Variants in KAT7 observed in about 807,000 individuals in gnomAD.
KAT7 encodes histone acetyltransferase KAT7.
KAT7 carries 10 observed loss-of-function variants against 82.1 expected under a neutral mutation model. The observed-to-expected ratio is 0.12, with a 90% CI of 0.08 to 0.21. KAT7 has a LOEUF of 0.21. KAT7 is among the 10% of genes least tolerant of loss of function. The pLI, the probability that KAT7 is intolerant of heterozygous loss-of-function variation, is 1.00. For missense variants in KAT7, 378 were observed against 760.9 expected (o/e 0.50, Z 5.92); for synonymous variants, 250 against 262.5 (o/e 0.95, Z 0.46).
intron 8 of KAT7, among the ~76,000 whole-genome samples, chr17:49,817,546 C>T (rs2074249748): frequency 6.6e-6 from 1 of 152,092 alleles, no homozygotes; most frequent in South Asian, 2.1e-4. Context: ...GATCTCGGTT[C>T]ACCGCAGCCT....
At chr17:49,822,890 T>C (rs565199630) in intron 11 of KAT7, among the ~76,000 whole-genome samples, 1 of 152,300 alleles carries the variant, frequency 6.6e-6, no homozygotes, top group East Asian at 1.9e-4. Context: ...TTTTCAAAAA[T>C]TGCGTTTAAA....
chr17:49,834,740 AAC>A lies in KAT7; in HGVS notation c.*7242_*7243del, dbSNP rs1259109843. ...GTTCTGTGGTCAAATAAATTTGGAA[AAC>A]ACAGAGTGTTTCCAAAGTTAGTATC... On this transcript the variant is annotated 3_prime_UTR_variant, in exon 15 of 15. Coordinates refer to ENST00000259021, the MANE Select transcript of KAT7 (RefSeq NM_007067.5). 6.6e-6 allele frequency: 1 copy of A among 152,222 alleles called. No individual in the cohort carries two copies. Among genetic ancestry groups the A allele is most frequent in the Non-Finnish European group, 1.5e-5 (1 of 68,052 alleles). 9.4% of individuals were successfully genotyped at this position (152,222 alleles called of 1,614,324 possible).
chr17:49,799,035 G>A (rs975834081), intron 4 of KAT7, among the ~76,000 whole-genome samples: 6 of 152,172 alleles, frequency 3.9e-5, no homozygotes, highest in Admixed American at 6.5e-5. Context: ...TAGTAGCTTA[G>A]GTTCCTTGCT....
intron 3 of KAT7, 121 bp downstream of exon 3, chr17:49,797,047 C>T (rs1208458890): frequency 1.4e-6 from 1 of 735,552 alleles, no homozygotes; most frequent in Non-Finnish European, 2.2e-6. Flanking sequence ...ATGCTGTTTG[C>T]TTGCTTCCTT....
Position 49,791,831 on chromosome 17 carries a change from G to A in KAT7, c.16-55G>A, listed in dbSNP as rs77004615. On this transcript the variant is annotated intron_variant, in intron 1 of 14. Transcript: ENST00000259021. ...AGCTTGTTTTATTTTCAATGTTAAT[G>A]CAAACTCTCAGACCAAATGCTTCTG... 3,579 of 1,557,312 alleles carry A rather than the reference G, an allele frequency of 2.3e-3. 83 individuals carry two copies. In the African/African-American group the frequency reaches 0.044, roughly 19 times the overall value.
intron 8 of KAT7, among the ~76,000 whole-genome samples, chr17:49,816,173 G>A (rs1035425351): frequency 6.6e-6 from 1 of 152,072 alleles, no homozygotes; most frequent in Non-Finnish European, 1.5e-5. Flanking sequence ...AGCTGATGAG[G>A]CTGGATAAAA....
At chr17:49,814,409 T>G (rs1161177651) in intron 7 of KAT7, among the ~76,000 whole-genome samples, 7 of 152,170 alleles carry the variant, frequency 4.6e-5, no homozygotes, top group African/African-American at 1.7e-4. Context: ...GCAAACTTGT[T>G]AGAAGGGTAA....
chr17:49,825,076 T>C (rs2074352798), intron 12 of KAT7, among the ~76,000 whole-genome samples: 1 of 152,222 alleles, frequency 6.6e-6, no homozygotes, highest in Non-Finnish European at 1.5e-5. Flanking sequence ...TCACTTTTAG[T>C]CTAAAACTTT....
chr17:49,826,728 A>G lies in KAT7; in HGVS notation c.1663A>G (p.Ile555Val). 3 of 1,612,064 alleles carry G rather than the reference A, an allele frequency of 1.9e-6. No homozygotes were observed. The highest frequency in any genetic ancestry group is 1.1e-5 in the South Asian group (1 of 90,996). Residue 555 changes from isoleucine to valine, a missense_variant, in exon 14 of 15, where the codon ATT becomes GTT. By Grantham distance (29) the Ile-to-Val change is conservative. Transcript: ENST00000259021. ...SQETAVNPVDIVSTLQALQML... is the reference protein window; with the variant it reads ...SQETAVNPVDVVSTLQALQML... ...GGAGACGGCTGTGAATCCTGTGGAC[A>G]TTGTCAGCACTCTGCAAGCCCTTCA...
intron 7 of KAT7, chr17:49,815,180 GA>G (rs1236809931): frequency 5.9e-5 from 9 of 152,178 alleles, no homozygotes; most frequent in African/African-American, 4.8e-5. Context: ...CATTTTTAGA[GA>G]GTCCAGCCTA....
intron 2 of KAT7, 140 bp downstream of exon 2, chr17:49,792,173 G>A: frequency 1.2e-6 from 1 of 806,374 alleles, no homozygotes; most frequent in South Asian, 1.8e-5. Context: ...AAAATGTAGA[G>A]TGAATGCAGA....
At chr17:49,789,366 C>T (rs1015011998) in intron 1 of KAT7, 1 of 153,136 alleles carries the variant, frequency 6.5e-6, no homozygotes, top group African/African-American at 2.4e-5. Context: ...GGCCTCGTTA[C>T]CTTCCAGGTG....
In KAT7 at chr17:49,792,154, A is replaced by G. The variant is rs1567845870; in HGVS notation, c.163+121A>G. ...CTTGGTGTAGATGACAGTGCACCAGATGATTGGTAAAATGTAGAGTGAATG... is the reference window on the plus strand; with the variant it reads ...CTTGGTGTAGATGACAGTGCACCAGGTGATTGGTAAAATGTAGAGTGAATG... On this transcript the variant is annotated intron_variant, in intron 2 of 14. Transcript: ENST00000259021. 3 of 903,838 alleles carry G rather than the reference A, an allele frequency of 3.3e-6. No individual in the cohort carries two copies. In the East Asian group the frequency reaches 7.9e-5, roughly 24 times the overall value. 56.0% of individuals were successfully genotyped at this position (903,838 alleles called of 1,614,324 possible).
chr17:49,830,882 TAATG>T lies in KAT7; in HGVS notation c.*3383_*3386del, dbSNP rs2074420104. ...CTAATGGCTTCCATTACAAGGATAA[TAATG>T]AAACTGGTGAAAACTTTCAGGCAAA... On this transcript the variant is annotated 3_prime_UTR_variant, in exon 15 of 15. Coordinates refer to ENST00000259021, the MANE Select transcript of KAT7 (RefSeq NM_007067.5). 6.6e-6 allele frequency: 1 copy of T among 152,246 alleles called. No homozygotes were observed. Among genetic ancestry groups the T allele is most frequent in the South Asian group, 2.1e-4 (1 of 4,836 alleles). The allele number at this position is 152,246 out of a possible 1,614,324, so 9.4% of individuals were successfully genotyped here. A position where few individuals can be genotyped will look rare whatever the true frequency, so the allele number is the denominator to read the frequency against.
At chr17:49,817,741 A>T in intron 8 of KAT7, 79 bp from the exon 9 acceptor site, 1 of 1,159,622 alleles carries the variant, frequency 8.6e-7, no homozygotes, top group Non-Finnish European at 1.2e-6. Flanking sequence ...TGTTGGGATT[A>T]CAGGAGCCAC....
chr17:49,799,077 A>G (rs1421971569), intron 4 of KAT7, among the ~76,000 whole-genome samples: 1 of 152,192 alleles, frequency 6.6e-6, no homozygotes. Flanking sequence ...ACAAGATAAA[A>G]TATTTCTTCT....
In KAT7 at chr17:49,834,607, C is replaced by T. The variant is rs1192304063; in HGVS notation, c.*7105C>T. The T allele has an allele frequency of 6.6e-6, 1 of 152,240 alleles. No homozygotes were observed. The highest frequency in any genetic ancestry group is 1.5e-5 in the Non-Finnish European group (1 of 68,038). The allele number at this position is 152,240 out of a possible 1,614,324, so 9.4% of individuals were successfully genotyped here. ...ATCATTCCCTTACACATAACCTCAA[C>T]GTGCAACAGGATTAGTCTATTATTC... is the stretch of plus-strand genomic sequence containing the variant. On this transcript the variant is annotated 3_prime_UTR_variant, in exon 15 of 15. Coordinates refer to ENST00000259021, the MANE Select transcript of KAT7 (RefSeq NM_007067.5).
intron 6 of KAT7, among the ~76,000 whole-genome samples, chr17:49,810,221 A>T (rs1239363938): frequency 6.6e-6 from 1 of 152,156 alleles, no homozygotes. Context: ...TGGTAACTAC[A>T]CTTTTCTTCG....
At position 49,788,957 on chromosome 17, in the gene KAT7, C is replaced by T. The variant is rs1032077042; in HGVS notation, c.15+108C>T. 24 of 1,073,076 alleles carry T rather than the reference C, an allele frequency of 2.2e-5. 1 individual carries two copies. In the East Asian group the frequency reaches 5.2e-4, roughly 23 times the overall value. 66.5% of individuals were successfully genotyped at this position (1,073,076 alleles called of 1,614,324 possible). A position where few individuals can be genotyped will look rare whatever the true frequency, so the allele number is the denominator to read the frequency against. ...GCTTGGGTCCCAACTTTCCGCTCCC[C>T]CGAACCTTGTTCAGCTACCCTCTCT... is the stretch of plus-strand genomic sequence containing the variant. On this transcript the variant is annotated intron_variant, in intron 1 of 14. Transcript: ENST00000259021.
Sources: gnomAD v4.1 joint callset for allele counts (sites outside exome capture counted in the v4.1 genomes callset) on GRCh38, gnomAD v4.1.1 for gene constraint, MANE v1.5 for transcripts, NCBI Gene and HGNC (gene_info 2026-07-23, HGNC 2026-07-21) for gene names.